The following MAP7D2 variants were observed in gnomAD, a reference collection of about 807,000 sequenced individuals.
The protein encoded by MAP7D2 is MAP7 domain-containing protein 2.
A neutral mutation model predicts 63.5 loss-of-function variants in MAP7D2; 33 were observed. That is an observed-to-expected ratio of 0.52 (90% CI 0.39 to 0.70). The LOEUF (loss-of-function observed/expected upper bound fraction) is 0.70. MAP7D2 is among the 30% of genes least tolerant of loss of function. The pLI, the probability that MAP7D2 is intolerant of heterozygous loss-of-function variation, is 0.00. For synonymous variants in MAP7D2, 224 were observed against 223.7 expected, an observed-to-expected ratio of 1.00 and a Z score of -0.01; for missense variants, 626 against 604.0, an observed-to-expected ratio of 1.04 and a Z score of -0.38.
At chrX:20,012,757 A>C (rs1306319533) in intron 14 of MAP7D2, among the ~76,000 whole-genome samples, 2 of 112,322 alleles carry the variant, frequency 1.8e-5, no homozygotes, top group Non-Finnish European at 3.8e-5. Context: ...AGAAGAGCAG[A>C]GTCAGGTCCT....
In MAP7D2 at chrX:20,014,013, T is replaced by C. The variant is rs185480740; in HGVS notation, c.1750-388A>G. Among the ~76,000 whole-genome samples the C allele has an allele frequency of 1.2e-4, 14 of 112,013 alleles. No individual in the cohort carries two copies. The East Asian group carries it at 3.9e-3, about 31-fold the overall frequency. On this transcript the variant is annotated intron_variant, in intron 12 of 16. Transcript: ENST00000379643. ...GAAGGCCACAGGCTGGTCTCCTGGA[T>C]CCCAGGCCTACAGCAATACAAAGCC... is the stretch of plus-strand genomic sequence containing the variant.
At chrX:20,095,107 C>G (rs778542229) in intron 1 of MAP7D2, among the ~76,000 whole-genome samples, 2 of 110,203 alleles carry the variant, frequency 1.8e-5, no homozygotes, top group South Asian at 7.8e-4. Flanking sequence ...TGGAGATGAT[C>G]GCATGACCTC....
intron 1 of MAP7D2, among the ~76,000 whole-genome samples, chrX:20,077,581 A>C (rs888413356): frequency 8.9e-6 from 1 of 112,374 alleles, no homozygotes; most frequent in African/African-American, 3.2e-5. Flanking sequence ...AGATATAGGC[A>C]CTGCTTAACT....
chrX:20,033,612 G>T (rs1289015565), intron 8 of MAP7D2, among the ~76,000 whole-genome samples: 1 of 112,479 alleles, frequency 8.9e-6, no homozygotes, highest in Admixed American at 9.4e-5. Context: ...TAGTTTATCT[G>T]ACATCAGGCA....
chrX:20,079,617 G>A (rs926237845), intron 1 of MAP7D2, among the ~76,000 whole-genome samples: 1 of 112,071 alleles, frequency 8.9e-6, no homozygotes, highest in African/African-American at 3.2e-5. Context: ...CTAGTCAAGA[G>A]ACTGGGTAAA....
chrX:20,063,599 G>A (rs1397983084), intron 2 of MAP7D2, 22 bp from the exon 3 acceptor site: 5 of 1,205,296 alleles, frequency 4.1e-6, no homozygotes, highest in Non-Finnish European at 5.6e-6. Flanking sequence ...AAGTAGAAGA[G>A]AGGTGTCATT....
intron 10 of MAP7D2, among the ~76,000 whole-genome samples, chrX:20,024,420 C>A (rs1389056479): frequency 3.6e-5 from 4 of 111,954 alleles, no homozygotes; most frequent in Non-Finnish European, 7.5e-5. Flanking sequence ...AGATGGGACT[C>A]CCCATACCTC....
At chrX:20,082,831 T>C (rs765554844) in intron 1 of MAP7D2, among the ~76,000 whole-genome samples, 1 of 111,720 alleles carries the variant, frequency 9.0e-6, no homozygotes, top group Admixed American at 9.5e-5. Context: ...GGTTTCATTA[T>C]ATTGACCAGA....
intron 1 of MAP7D2, among the ~76,000 whole-genome samples, chrX:20,079,670 A>C (rs779961628): frequency 1.8e-5 from 2 of 112,170 alleles, no homozygotes; most frequent in Non-Finnish European, 3.8e-5. Flanking sequence ...TCTATAAAAT[A>C]GGAACATTAC....
At chrX:20,094,147 T>C (rs189451439) in intron 1 of MAP7D2, among the ~76,000 whole-genome samples, 4 of 110,242 alleles carry the variant, frequency 3.6e-5, no homozygotes, top group East Asian at 2.9e-4. Context: ...ACTTGCTTTA[T>C]GTTTGGAAAT....
chrX:20,056,650 C>A, intron 4 of MAP7D2, 30 bp downstream of exon 4: 1 of 1,147,473 alleles, frequency 8.7e-7, no homozygotes, highest in Non-Finnish European at 1.2e-6. Flanking sequence ...CCACCCAGGA[C>A]CTGAAATACA....
chrX:20,021,467 C>T (rs1162656228), intron 10 of MAP7D2: 5 of 112,002 alleles, frequency 4.5e-5, no homozygotes, highest in African/African-American at 1.6e-4. Flanking sequence ...AAGAGGTGGC[C>T]GCTGTGTTCC....
chrX:20,074,132 T>G (rs2065584496), intron 1 of MAP7D2, among the ~76,000 whole-genome samples: 2 of 97,267 alleles, frequency 2.1e-5, no homozygotes, highest in South Asian at 9.9e-4. Context: ...TGAAACTCCG[T>G]CTCAAAAAAA....
chrX:20,012,409 A>G lies in MAP7D2; in HGVS notation c.2012T>C (p.Leu671Pro), dbSNP rs2073232965. The change falls in exon 15 of 17, where the codon CTT (leucine) becomes CCT (proline). Residue 671 changes from leucine (L) to proline (P), a missense_variant. Leu to Pro is a moderately conservative substitution (Grantham distance 98, BLOSUM62 -3). Coordinates refer to ENST00000379643, the MANE Select transcript of MAP7D2 (RefSeq NM_001168465.2). ...PAGGLIHLDA[L>P]DGKSNSLDDS... ...ATCCAGGCTATTTGATTTCCCATCA[A>G]GGGCATCCAGATGAATGAGTCCCCC... 1 of 1,207,589 alleles carries G rather than the reference A, an allele frequency of 8.3e-7. No individual in the cohort carries two copies. Among genetic ancestry groups the G allele is most frequent in the African/African-American group, 1.8e-5 (1 of 57,092 alleles).
At chrX:20,047,213 C>G (rs974142618) in intron 6 of MAP7D2, among the ~76,000 whole-genome samples, 5 of 112,654 alleles carry the variant, frequency 4.4e-5, no homozygotes, top group Non-Finnish European at 9.4e-5. Flanking sequence ...CTGCACTGGA[C>G]TGAGCACCCT....
intron 1 of MAP7D2, among the ~76,000 whole-genome samples, chrX:20,072,363 C>G (rs770781018): frequency 7.2e-5 from 8 of 110,905 alleles, no homozygotes; most frequent in Non-Finnish European, 1.3e-4. Context: ...CATTCACCAC[C>G]CTCAGGCACA....
intron 1 of MAP7D2, among the ~76,000 whole-genome samples, chrX:20,072,610 G>C (rs1241984000): frequency 9.0e-6 from 1 of 111,401 alleles, no homozygotes; most frequent in Non-Finnish European, 1.9e-5. Context: ...CAGGGGATTG[G>C]AGGATCCCAC....
At chrX:20,097,265 TAA>T (rs1485489614) in intron 1 of MAP7D2, among the ~76,000 whole-genome samples, 1 of 112,141 alleles carries the variant, frequency 8.9e-6, no homozygotes, top group Non-Finnish European at 1.9e-5. Context: ...CTCTTAAACT[TAA>T]AAACTTATAG....
rs2073057928 is a variant in MAP7D2 at position 20,007,958 on chromosome X, A to C, written c.*467T>G. ...CCTCCTGAATTTCTTCTCTGTCTCA[A>C]AAAAGACAGGGAGATATACAGTGCA... On this transcript the variant is annotated 3_prime_UTR_variant, in exon 17 of 17. Coordinates refer to ENST00000379643, the MANE Select transcript of MAP7D2 (RefSeq NM_001168465.2). The C allele has an allele frequency of 8.9e-6, 1 of 112,271 alleles. No individual in the cohort carries two copies. Among genetic ancestry groups the C allele is most frequent in the Non-Finnish European group, 1.9e-5 (1 of 53,265 alleles). 9.3% of individuals were successfully genotyped at this position (112,271 alleles called of 1,213,427 possible).
Sources: gnomAD v4.1 joint callset for allele counts (sites outside exome capture counted in the v4.1 genomes callset) on GRCh38, gnomAD v4.1.1 for gene constraint, MANE v1.5 for transcripts, NCBI Gene and HGNC (gene_info 2026-07-23, HGNC 2026-07-21) for gene names.